VPS39: variants seen among roughly 807,000 people sequenced by gnomAD.
VPS39 encodes the protein vam6/Vps39-like protein.
In VPS39, 70 loss-of-function variants were observed where a neutral mutation model predicts 121.0. The observed-to-expected ratio is 0.58, with a 90% CI of 0.48 to 0.71. VPS39 has a LOEUF of 0.71. Ranked by LOEUF, VPS39 falls within the 30% of genes least tolerant of loss-of-function variation. The pLI, the probability that VPS39 is intolerant of heterozygous loss-of-function variation, is 0.00. For synonymous variants in VPS39, 378 were observed against 398.1 expected (o/e 0.95, Z 0.60); for missense variants, 818 against 1,051.5 (o/e 0.78, Z 3.07).
chr15:42,191,411 T>G, intron 3 of VPS39, 85 bp downstream of exon 3: 1 of 1,376,754 alleles, frequency 7.3e-7, no homozygotes, highest in Admixed American at 1.8e-5. Flanking sequence ...GGATTCAGAG[T>G]TAATAAATAA....
intron 13 of VPS39, 100 bp from the exon 14 acceptor site, chr15:42,167,013 C>G (rs2049256787): frequency 1.3e-6 from 2 of 1,527,062 alleles, no homozygotes; most frequent in East Asian, 4.5e-5. Flanking sequence ...GAATGTAGCA[C>G]AAGCAAGAGA....
rs1243860825 is a variant in VPS39 at position 42,184,662 on chromosome 15, T to C, written c.573A>G (p.Thr191=). The C allele has an allele frequency of 1.9e-6, 3 of 1,614,042 alleles. No homozygotes were observed. The highest frequency in any genetic ancestry group is 1.7e-5 in the Admixed American group (1 of 59,996). Residue 191 remains threonine (T), a synonymous_variant, in exon 8 of 25, where the codon ACA becomes ACG. Transcript: ENST00000318006. The stretch of plus-strand genomic sequence containing the variant: ...CAACTAAGGGCTCCAGCTGTTTTCC[T>C]GTTGGAAAGAGCTCTTTGATGGACC... ...GKGSIKELFP[T]GKQLEPLVAP...
At chr15:42,179,985 T>C (rs1309973720) in intron 8 of VPS39, among the ~76,000 whole-genome samples, 1 of 152,168 alleles carries the variant, frequency 6.6e-6, no homozygotes, top group Admixed American at 6.5e-5. Flanking sequence ...GCAGAGCTCA[T>C]CTTTCTCTTA....
At chr15:42,191,063 G>A in intron 4 of VPS39, 62 bp downstream of exon 4, 1 of 1,570,656 alleles carries the variant, frequency 6.4e-7, no homozygotes, top group Non-Finnish European at 8.8e-7. Context: ...ACCATGAAAG[G>A]ATTAATTAGG....
At chr15:42,174,655 C>G (rs1302472000) in intron 10 of VPS39, among the ~76,000 whole-genome samples, 1 of 152,060 alleles carries the variant, frequency 6.6e-6, no homozygotes, top group Non-Finnish European at 1.5e-5. Context: ...GGATGGATTC[C>G]AAGAGGGACC....
At position 42,173,856 on chromosome 15, in the gene VPS39, A is replaced by G. The variant is rs1445623749; in HGVS notation, c.961-4T>C. The G allele has an allele frequency of 6.2e-7, 1 of 1,613,808 alleles. No individual in the cohort carries two copies. The highest frequency in any genetic ancestry group is 8.5e-7 in the Non-Finnish European group (1 of 1,179,876). ...TGTCAGAATCATCTTTCATTTCCTAATAACGGAGCAGAATATGTAAGAGTT... is the reference window on the plus strand; with the variant it reads ...TGTCAGAATCATCTTTCATTTCCTAGTAACGGAGCAGAATATGTAAGAGTT... On this transcript the variant is annotated splice_region_variant and splice_polypyrimidine_tract_variant and intron_variant, in intron 10 of 24. Coordinates refer to ENST00000318006, the MANE Select transcript of VPS39 (RefSeq NM_015289.5).
chr15:42,183,783 C>T (rs886145171), intron 8 of VPS39, among the ~76,000 whole-genome samples: 1 of 152,172 alleles, frequency 6.6e-6, no homozygotes, highest in African/African-American at 2.4e-5. Flanking sequence ...TGTTTTGTCT[C>T]TTTATCCAAG....
At chr15:42,182,109 T>A (rs1424566435) in intron 8 of VPS39, among the ~76,000 whole-genome samples, 1 of 152,266 alleles carries the variant, frequency 6.6e-6, no homozygotes, top group Non-Finnish European at 1.5e-5. Context: ...ATGAGGGAAC[T>A]CAGAAATGAG....
chr15:42,193,391 G>A (rs1195049790), intron 2 of VPS39, among the ~76,000 whole-genome samples: 1 of 151,994 alleles, frequency 6.6e-6, no homozygotes, highest in Non-Finnish European at 1.5e-5. Context: ...AGTTGAAAAG[G>A]GAAAAGTACT....
chr15:42,190,404 C>T (rs558032552), intron 4 of VPS39, among the ~76,000 whole-genome samples: 1 of 152,310 alleles, frequency 6.6e-6, no homozygotes, highest in East Asian at 1.9e-4. Flanking sequence ...CTTTGGGCCC[C>T]AGGGTCAACA....
chr15:42,199,141 T>C (rs1288315082), intron 2 of VPS39, among the ~76,000 whole-genome samples: 1 of 152,024 alleles, frequency 6.6e-6, no homozygotes, highest in Non-Finnish European at 1.5e-5. Flanking sequence ...TTCTGTAGAG[T>C]GGCTCCAGGG....
chr15:42,166,377 G>T (rs1470017175), intron 15 of VPS39, 145 bp from the exon 16 acceptor site: 12 of 1,115,018 alleles, frequency 1.1e-5, no homozygotes, highest in Admixed American at 1.1e-4. Flanking sequence ...GCCCTACTGG[G>T]CTGGCTCCAT....
At chr15:42,191,230 T>C (rs2049821858) in intron 3 of VPS39, 63 bp from the exon 4 acceptor site, 1 of 1,581,888 alleles carries the variant, frequency 6.3e-7, no homozygotes, top group Non-Finnish European at 8.7e-7. Context: ...CAAATGTTCA[T>C]TCAATAACAG....
rs1476952328 is a variant in VPS39, at chr15:42,199,800, A to C, written c.139+96T>G. On this transcript the variant is annotated intron_variant, in intron 2 of 24. Coordinates refer to ENST00000318006, the MANE Select transcript of VPS39 (RefSeq NM_015289.5). ...TCCCACCGTGCTCCCTCTAACCTTC[A>C]ATCTCTCTTTTAATGGTCCAGGAAT... 10 of 1,361,292 alleles carry C rather than the reference A, an allele frequency of 7.3e-6. No individual in the cohort carries two copies. The African/African-American group carries it at 9.0e-5, about 12-fold the overall frequency. The allele number at this position is 1,361,292 out of a possible 1,614,324, so 84.3% of individuals were successfully genotyped here. A position where few individuals can be genotyped will look rare whatever the true frequency, so the allele number is the denominator to read the frequency against.
At chr15:42,186,338 G>A (rs2049701466) in intron 7 of VPS39, among the ~76,000 whole-genome samples, 1 of 152,124 alleles carries the variant, frequency 6.6e-6, no homozygotes, top group African/African-American at 2.4e-5. Context: ...CTACCTGGGA[G>A]GCTGAGGTGG....
Position 42,164,473 on chromosome 15 carries a change from G to C in VPS39, c.1911C>G (p.Val637=). The C allele has an allele frequency of 1.2e-6, 2 of 1,614,100 alleles. No homozygotes were observed. Among genetic ancestry groups the C allele is most frequent in the South Asian group, 1.1e-5 (1 of 91,070 alleles). Residue 637 remains valine (V), a synonymous_variant, in exon 19 of 25, where the codon GTC becomes GTG. Transcript: ENST00000318006. ...GCTCACCCTCTTCCTCTCCAGCTGGGACTGGGGTTTTGCCTTTAAGGGAAA... is the reference window on the plus strand; with the variant it reads ...GCTCACCCTCTTCCTCTCCAGCTGGCACTGGGGTTTTGCCTTTAAGGGAAA... ...LLSFPAGKTP[V]PAGEEEGELG...
chr15:42,206,039 G>A (rs763813635), intron 1 of VPS39, among the ~76,000 whole-genome samples: 3 of 152,186 alleles, frequency 2.0e-5, no homozygotes, highest in Admixed American at 6.5e-5. Context: ...AATCAAGAAC[G>A]GTTTTGGCTA....
In VPS39 at chr15:42,173,835, A is replaced by C. The variant is rs760120894; in HGVS notation, c.978T>G (p.Ser326=). The change falls in exon 11 of 25, where the codon TCT becomes TCG. Residue 326 remains serine (S), a synonymous_variant. Coordinates refer to ENST00000318006, the MANE Select transcript of VPS39 (RefSeq NM_015289.5). ...GAATTTGTTGCTGCTTTTCACTGTC[A>C]GAATCATCTTTCATTTCCTAATAAC... ...ALQLAEMKDD[S]DSEKQQQIHH... 4.3e-6 allele frequency: 7 copies of C among 1,614,202 alleles called. No homozygotes were observed. In the East Asian group the frequency reaches 1.6e-4, roughly 36 times the overall value.
intron 19 of VPS39, 36 bp downstream of exon 19, chr15:42,164,322 G>C: frequency 5.0e-6 from 8 of 1,612,908 alleles, no homozygotes; most frequent in Non-Finnish European, 6.8e-6. Context: ...CATGACCTTC[G>C]CTGAAGTGGC....
Sources: gnomAD v4.1 joint callset for allele counts (sites outside exome capture counted in the v4.1 genomes callset) on GRCh38, gnomAD v4.1.1 for gene constraint, MANE v1.5 for transcripts, NCBI Gene and HGNC (gene_info 2026-07-23, HGNC 2026-07-21) for gene names.